STAU2: variants seen among roughly 807,000 people sequenced by gnomAD.
The protein encoded by STAU2 is double-stranded RNA-binding protein Staufen homolog 2.
STAU2 carries 20 observed loss-of-function variants against 65.9 expected under a neutral mutation model. That is an observed-to-expected ratio of 0.30 (90% confidence interval 0.21 to 0.44). The LOEUF is 0.44. STAU2 is among the 20% of genes least tolerant of loss of function. The pLI is 1.00. For missense variants in STAU2, 558 were observed against 683.9 expected, an observed-to-expected ratio of 0.82 and a Z score of 2.05; for synonymous variants, 232 against 233.9, an observed-to-expected ratio of 0.99 and a Z score of 0.07.
intron 2 of STAU2, 36 bp from the exon 3 acceptor site, chr8:73,738,385 A>G: frequency 1.3e-6 from 2 of 1,494,188 alleles, no homozygotes. Context: ...AGTTCAACTT[A>G]GCTGATAACC....
At chr8:73,692,223 G>A (rs965459737) in intron 4 of STAU2, among the ~76,000 whole-genome samples, 1 of 151,216 alleles carries the variant, frequency 6.6e-6, no homozygotes, top group African/African-American at 2.4e-5. Flanking sequence ...CCCGGAGATG[G>A]AGTCTTGCTC....
chr8:73,433,427 A>C (rs993094008), intron 13 of STAU2, among the ~76,000 whole-genome samples: 6 of 150,072 alleles, frequency 4.0e-5, no homozygotes, highest in African/African-American at 7.4e-5. Context: ...GATGGTCTCG[A>C]TCTCCTGACC....
intron 6 of STAU2, among the ~76,000 whole-genome samples, chr8:73,649,522 C>T (rs764470255): frequency 3.3e-5 from 5 of 152,114 alleles, no homozygotes; most frequent in Non-Finnish European, 7.4e-5. Flanking sequence ...CCAGCCCCCA[C>T]TCTGTAATTT....
intron 4 of STAU2, among the ~76,000 whole-genome samples, chr8:73,695,320 C>G (rs1819626885): frequency 6.6e-6 from 1 of 152,168 alleles, no homozygotes; most frequent in African/African-American, 2.4e-5. Flanking sequence ...GCCCCCATTC[C>G]AGGCCCTAGC....
chr8:73,560,050 T>TA lies in STAU2; in HGVS notation c.1223-7732dup, dbSNP rs570082826. 3.1e-4 allele frequency among the ~76,000 whole-genome samples: 46 copies of TA among 148,462 alleles called. No homozygotes were observed. The East Asian group carries it at 9.1e-3, about 29-fold the overall frequency. ...CACCTTGGAAACGAAAAAGACACAC[T>TA]AAAAAAAGAGTCATTACTGAACAGA... On this transcript the variant is annotated intron_variant, in intron 12 of 14. Transcript: ENST00000524300.
At chr8:73,690,694 C>T (rs1177788064) in intron 4 of STAU2, among the ~76,000 whole-genome samples, 1 of 152,068 alleles carries the variant, frequency 6.6e-6, no homozygotes, top group African/African-American at 2.4e-5. Context: ...AATTAACGAT[C>T]GGTGAATCTA....
At chr8:73,717,711 G>T (rs554283478) in intron 3 of STAU2, among the ~76,000 whole-genome samples, 35 of 152,144 alleles carry the variant, frequency 2.3e-4, no homozygotes, top group African/African-American at 8.2e-4. Flanking sequence ...GCAGTGGCGC[G>T]ATCTCAGCTC....
At chr8:73,659,312 C>A (rs1324979023) in intron 6 of STAU2, among the ~76,000 whole-genome samples, 1 of 152,084 alleles carries the variant, frequency 6.6e-6, no homozygotes, top group Non-Finnish European at 1.5e-5. Context: ...CTGAGGCGGG[C>A]AGATCACCTG....
chr8:73,570,541 A>G (rs1247518595), intron 12 of STAU2, among the ~76,000 whole-genome samples: 2 of 152,270 alleles, frequency 1.3e-5, no homozygotes, highest in East Asian at 1.9e-4. Context: ...ATATTATCCC[A>G]GAGAACTTCC....
At chr8:73,497,436 A>G (rs1028770849) in intron 13 of STAU2, among the ~76,000 whole-genome samples, 10 of 134,864 alleles carry the variant, frequency 7.4e-5, no homozygotes, top group Non-Finnish European at 5.1e-5. Context: ...ATATAAGCAA[A>G]TCAATATTCA....
chr8:73,586,646 CAAAAAAA>C lies in STAU2; in HGVS notation c.1162-3823_1162-3817del, dbSNP rs56687221. Among the ~76,000 whole-genome samples the C allele has an allele frequency of 1.3e-4, 8 of 62,730 alleles. No individual in the cohort carries two copies. The East Asian group carries it at 2.3e-3, about 18-fold the overall frequency. The allele number at this position is 62,730 out of a possible 152,430, so 41.2% of individuals were successfully genotyped here. On this transcript the variant is annotated intron_variant, in intron 11 of 14. Transcript: ENST00000524300. ...TGAGGAGAACAGAAGAAAAAAAATG[CAAAAAAA>C]AAAAAAAAAAAAAATCCTCAGGCAC...
At chr8:73,521,008 A>G (rs1200381211) in intron 13 of STAU2, among the ~76,000 whole-genome samples, 2 of 152,164 alleles carry the variant, frequency 1.3e-5, no homozygotes, top group East Asian at 3.8e-4. Flanking sequence ...TACAGATACT[A>G]TCACTTAAGA....
At chr8:73,697,899 G>C (rs1377463120) in intron 4 of STAU2, among the ~76,000 whole-genome samples, 1 of 152,050 alleles carries the variant, frequency 6.6e-6, no homozygotes, top group Non-Finnish European at 1.5e-5. Context: ...TGCCATCACG[G>C]TGAAACCCCA....
At chr8:73,459,162 G>A (rs1444949620) in intron 13 of STAU2, among the ~76,000 whole-genome samples, 2 of 151,962 alleles carry the variant, frequency 1.3e-5, no homozygotes, top group East Asian at 3.9e-4. Flanking sequence ...ACTTGCCAAG[G>A]TTTTTATATT....
At chr8:73,599,405 A>G (rs1811457432) in intron 10 of STAU2, among the ~76,000 whole-genome samples, 1 of 152,228 alleles carries the variant, frequency 6.6e-6, no homozygotes, top group African/African-American at 2.4e-5. Context: ...GGAGGTTCCC[A>G]TATATCAGTT....
chr8:73,583,879 T>C (rs1370808834), intron 11 of STAU2, among the ~76,000 whole-genome samples: 1 of 152,212 alleles, frequency 6.6e-6, no homozygotes, highest in Non-Finnish European at 1.5e-5. Flanking sequence ...ACTTTAGTTA[T>C]ATTATCTTTC....
chr8:73,735,742 C>T (rs1806389474), intron 3 of STAU2, among the ~76,000 whole-genome samples: 1 of 152,148 alleles, frequency 6.6e-6, no homozygotes, highest in South Asian at 2.1e-4. Flanking sequence ...TTGCTTGTGG[C>T]CATGTAGAGA....
At chr8:73,747,446 G>T, upstream of STAU2, 1 of 1,534,536 alleles carries the variant, frequency 6.5e-7, no homozygotes, top group Non-Finnish European at 8.7e-7. Flanking sequence ...ACCATCCCGC[G>T]TCTGCTCCGG....
intron 13 of STAU2, among the ~76,000 whole-genome samples, chr8:73,547,423 G>C (rs1445713535): frequency 2.6e-5 from 4 of 151,976 alleles, no homozygotes; most frequent in African/African-American, 9.7e-5. Flanking sequence ...TGGAAGTACA[G>C]GTGTGTGTTA....
Sources: allele counts gnomAD v4.1 joint callset (sites outside exome capture counted in the v4.1 genomes callset), GRCh38; gene constraint gnomAD v4.1.1; transcripts MANE v1.5; gene names NCBI Gene and HGNC (gene_info 2026-07-23, HGNC 2026-07-21).